CADM2: variants seen among roughly 807,000 people sequenced by gnomAD.
The protein encoded by CADM2 is immunoglobulin superfamily member 4D.
In CADM2, 12 loss-of-function variants were observed where a neutral mutation model predicts 49.8. The ratio of observed to expected loss-of-function variants is 0.24; its 90% confidence interval spans 0.15 to 0.39. CADM2 has a LOEUF of 0.39. CADM2 is among the 10% of genes least tolerant of loss of function. The pLI is 1.00. For missense variants in CADM2, 378 were observed against 492.3 expected, an observed-to-expected ratio of 0.77 and a Z score of 2.20; for synonymous variants, 214 against 175.4, an observed-to-expected ratio of 1.22 and a Z score of -1.74.
chr3:85,641,382 T>C (rs1478227397), intron 1 of CADM2, among the ~76,000 whole-genome samples: 1 of 152,202 alleles, frequency 6.6e-6, no homozygotes, highest in Non-Finnish European at 1.5e-5. Context: ...AAATCTCACA[T>C]GTTGGCTTCC....
At chr3:85,491,381 T>G (rs1207985411) in intron 1 of CADM2, among the ~76,000 whole-genome samples, 2 of 152,216 alleles carry the variant, frequency 1.3e-5, no homozygotes, top group Non-Finnish European at 2.9e-5. Flanking sequence ...TTGGTTGAAT[T>G]GAATTTATGT....
intron 8 of CADM2, among the ~76,000 whole-genome samples, chr3:86,060,425 C>T (rs1252467268): frequency 6.6e-6 from 1 of 152,062 alleles, no homozygotes; most frequent in Admixed American, 6.6e-5. Context: ...GATAGCTGTA[C>T]CTGAATTGAT....
At chr3:85,772,434 A>G (rs949977312) in intron 2 of CADM2, among the ~76,000 whole-genome samples, 13 of 152,096 alleles carry the variant, frequency 8.5e-5, no homozygotes, top group African/African-American at 2.9e-4. Flanking sequence ...TCTAAGTAGA[A>G]TTTATGGAAT....
Position 85,543,420 on chromosome 3 carries a change from A to ATGTGTGTGGGTGTGTG in CADM2, c.62-183094_62-183093insGGTGTGTGTGTGTGTG, listed in dbSNP as rs372108050. On this transcript the variant is annotated intron_variant, in intron 1 of 9. Coordinates refer to ENST00000383699, the MANE Select transcript of CADM2 (RefSeq NM_001167675.2). ...CAGGCACCGCCACCATGCCAAGCTA[A>ATGTGTGTGGGTGTGTG]TGTGTGTGTGTGTGTGTGTGTGTGT... 1.9e-3 allele frequency among the ~76,000 whole-genome samples: 247 copies of ATGTGTGTGGGTGTGTG among 129,640 alleles called. 2 individuals carry two copies. The highest frequency in any genetic ancestry group is 4.2e-3 in the Middle Eastern group (1 of 236). 85.0% of individuals were successfully genotyped at this position (129,640 alleles called of 152,430 possible). A position where few individuals can be genotyped will look rare whatever the true frequency, so the allele number is the denominator to read the frequency against.
intron 1 of CADM2, among the ~76,000 whole-genome samples, chr3:85,221,821 C>T (rs1466755550): frequency 2.0e-5 from 3 of 152,054 alleles, no homozygotes; most frequent in Non-Finnish European, 4.4e-5. Flanking sequence ...CTTTGATGAC[C>T]TGAATTGGCT....
chr3:85,619,369 T>G (rs2063902476), intron 1 of CADM2, among the ~76,000 whole-genome samples: 1 of 149,398 alleles, frequency 6.7e-6, no homozygotes, highest in Non-Finnish European at 1.5e-5. Flanking sequence ...AAAAAGGAAA[T>G]GGGGGGACAG....
At chr3:85,472,525 C>T (rs2038811899) in intron 1 of CADM2, among the ~76,000 whole-genome samples, 1 of 151,810 alleles carries the variant, frequency 6.6e-6, no homozygotes, top group Non-Finnish European at 1.5e-5. Flanking sequence ...TTGGGTAATG[C>T]TAGAAATACA....
intron 6 of CADM2, among the ~76,000 whole-genome samples, chr3:85,926,596 A>C (rs1202897763): frequency 1.3e-5 from 2 of 152,190 alleles, no homozygotes; most frequent in East Asian, 3.9e-4. Flanking sequence ...CAAGTCTTTC[A>C]TCTGCAAGAC....
intron 1 of CADM2, among the ~76,000 whole-genome samples, chr3:85,214,435 C>G (rs2041874064): frequency 6.6e-6 from 1 of 152,078 alleles, no homozygotes; most frequent in South Asian, 2.1e-4. Context: ...TGGTCACTGC[C>G]TGGCTACTGC....
At chr3:85,764,024 CA>C (rs1489493823) in intron 2 of CADM2, among the ~76,000 whole-genome samples, 1 of 151,880 alleles carries the variant, frequency 6.6e-6, no homozygotes, top group Admixed American at 6.6e-5. Context: ...ATAAAATGAA[CA>C]GAGGGAAATG....
intron 1 of CADM2, among the ~76,000 whole-genome samples, chr3:85,374,501 A>G (rs1432687966): frequency 6.6e-6 from 1 of 152,154 alleles, no homozygotes; most frequent in Non-Finnish European, 1.5e-5. Context: ...ACTCAGTTCC[A>G]AAGTCACTTC....
intron 1 of CADM2, among the ~76,000 whole-genome samples, chr3:85,054,386 A>T (rs1356249876): frequency 6.6e-6 from 1 of 152,036 alleles, no homozygotes; most frequent in East Asian, 1.9e-4. Context: ...GAACTGAGAA[A>T]TAATTCTGGA....
chr3:85,275,672 A>C (rs991149369), intron 1 of CADM2, among the ~76,000 whole-genome samples: 1 of 151,266 alleles, frequency 6.6e-6, no homozygotes, highest in Non-Finnish European at 1.5e-5. Flanking sequence ...ATTTTACAAA[A>C]TGTTCTCTTT....
intron 3 of CADM2, among the ~76,000 whole-genome samples, chr3:85,830,889 T>A (rs572951032): frequency 6.6e-6 from 1 of 151,556 alleles, no homozygotes; most frequent in Non-Finnish European, 1.5e-5. Context: ...GCTTGTTACA[T>A]GGATGAATTG....
intron 1 of CADM2, among the ~76,000 whole-genome samples, chr3:85,384,235 A>G (rs2034076885): frequency 6.6e-6 from 1 of 152,212 alleles, no homozygotes; most frequent in African/African-American, 2.4e-5. Context: ...GAGTATCCAT[A>G]TATCTTATAG....
At chr3:85,734,963 A>G (rs1258714306) in intron 2 of CADM2, among the ~76,000 whole-genome samples, 1 of 131,062 alleles carries the variant, frequency 7.6e-6, no homozygotes, top group East Asian at 2.1e-4. Flanking sequence ...AAATGTAGCA[A>G]CTAGAAATAT....
intron 1 of CADM2, among the ~76,000 whole-genome samples, chr3:85,458,941 G>T (rs1416740059): frequency 1.3e-5 from 2 of 152,150 alleles, no homozygotes; most frequent in Non-Finnish European, 2.9e-5. Flanking sequence ...AATCTCTTCA[G>T]TATACAAATG....
chr3:85,569,701 CAAA>C (rs781598979), intron 1 of CADM2, among the ~76,000 whole-genome samples: 1 of 114,742 alleles, frequency 8.7e-6, no homozygotes, highest in African/African-American at 4.3e-5. Context: ...TTTCTAATGG[CAAA>C]AAAAAAAAAA....
intron 7 of CADM2, among the ~76,000 whole-genome samples, chr3:85,955,761 A>T (rs1225911467): frequency 6.6e-6 from 1 of 151,574 alleles, no homozygotes; most frequent in Non-Finnish European, 1.5e-5. Context: ...ATTGTGCAAC[A>T]TACAGGTAAT....
Sources: gnomAD v4.1 joint callset for allele counts (sites outside exome capture counted in the v4.1 genomes callset) on GRCh38, gnomAD v4.1.1 for gene constraint, MANE v1.5 for transcripts, NCBI Gene and HGNC (gene_info 2026-07-23, HGNC 2026-07-21) for gene names.